Variants in CACNA1S observed in about 807,000 individuals in gnomAD.
CACNA1S encodes calcium voltage-gated channel subunit alpha1 S, also known as voltage-dependent L-type calcium channel subunit alpha-1S.
CACNA1S carries 126 observed loss-of-function variants against 207.4 expected under a neutral mutation model. The ratio of observed to expected loss-of-function variants is 0.61; its 90% CI spans 0.53 to 0.70. The LOEUF (loss-of-function observed/expected upper bound fraction) is 0.70. Ranked by LOEUF, CACNA1S falls within the 30% of genes least tolerant of loss-of-function variation. CACNA1S has a pLI of 0.00. For missense variants in CACNA1S, 2,349 were observed against 2,422.8 expected, an observed-to-expected ratio of 0.97 and a Z score of 0.64; for synonymous variants, 960 against 932.7, an observed-to-expected ratio of 1.03 and a Z score of -0.53.
At chr1:201,065,585 T>G (rs777686820) in intron 22 of CACNA1S, among the ~76,000 whole-genome samples, 22 of 152,244 alleles carry the variant, frequency 1.4e-4, no homozygotes, top group Non-Finnish European at 2.4e-4. Flanking sequence ...GCCCATTGAC[T>G]GTTTCTGAGA....
rs772074864 is a variant in CACNA1S at position 201,052,534 on chromosome 1, T to TGGGGGTGGC, written c.3953+14_3953+22dup. 8 of 1,536,630 alleles carry TGGGGGTGGC rather than the reference T, an allele frequency of 5.2e-6. No homozygotes were observed. The Admixed American group carries it at 1.4e-4, about 26-fold the overall frequency. On this transcript the variant is annotated intron_variant, in intron 32 of 43. Transcript: ENST00000362061. ...GCTGGACTGGTCAGCGGGGTAGGGG[T>TGGGGGTGGC]GGGGGTGGCGGGAGACGCGTGCCTG...
At chr1:201,089,798 C>G (rs578229400) in intron 5 of CACNA1S, among the ~76,000 whole-genome samples, 1 of 152,326 alleles carries the variant, frequency 6.6e-6, no homozygotes, top group Non-Finnish European at 1.5e-5. Context: ...AAGAAGGCAG[C>G]TGCCTGGCTG....
At chr1:201,061,234 CT>C in intron 25 of CACNA1S, 32 bp downstream of exon 25, 2 of 1,598,022 alleles carry the variant, frequency 1.3e-6, no homozygotes, top group Non-Finnish European at 1.7e-6. Context: ...TGCTGGAGCT[CT>C]GCCCTCCACC....
intron 3 of CACNA1S, 43 bp from the exon 4 acceptor site, chr1:201,092,157 A>T (rs774489611): frequency 1.9e-5 from 30 of 1,613,168 alleles, no homozygotes; most frequent in Non-Finnish European, 2.5e-5. Flanking sequence ...GGGGTTGGAA[A>T]AGCCACTGCC....
rs146230812 is a variant in CACNA1S, at chr1:201,069,532, C to G, written c.2430G>C (p.Leu810=). Residue 810 remains leucine (L), a synonymous_variant, in exon 18 of 44, where the codon CTG becomes CTC. Coordinates refer to ENST00000362061, the MANE Select transcript of CACNA1S (RefSeq NM_000069.3). The part of the protein sequence containing the change: ...WFTNFILLFI[L]LSSAALAAED... ...CCGCAGCCAGTGCAGCGCTGCTGAG[C>G]AGGATGAAGAGCAGGATGAAGTTGG... 8.7e-5 allele frequency: 139 copies of G among 1,588,606 alleles called. No individual in the cohort carries two copies. In the African/African-American group the frequency reaches 1.7e-3, roughly 20 times the overall value.
intron 13 of CACNA1S, among the ~76,000 whole-genome samples, chr1:201,074,996 C>G (rs952037520): frequency 6.6e-6 from 1 of 152,188 alleles, no homozygotes; most frequent in Admixed American, 6.5e-5. Flanking sequence ...GTGCAGGCAC[C>G]AGGACGGCTC....
intron 2 of CACNA1S, among the ~76,000 whole-genome samples, chr1:201,097,223 C>T (rs1459696371): frequency 3.9e-5 from 6 of 152,168 alleles, no homozygotes; most frequent in African/African-American, 4.8e-5. Context: ...TCTCCTCCCC[C>T]GAGCCCTTCT....
At chr1:201,070,477 C>T (rs1661409105) in intron 16 of CACNA1S, 73 bp from the exon 17 acceptor site, 1 of 1,601,052 alleles carries the variant, frequency 6.2e-7, no homozygotes, top group Admixed American at 1.7e-5. Flanking sequence ...GTGCTCAGAG[C>T]CCTCCTAGGA....
chr1:201,066,406 A>G lies in CACNA1S; in HGVS notation c.2658-90T>C. 9.1e-7 allele frequency: 1 copy of G among 1,099,336 alleles called. No individual in the cohort carries two copies. The highest frequency in any genetic ancestry group is 1.4e-6 in the Non-Finnish European group (1 of 724,104). 68.1% of individuals were successfully genotyped at this position (1,099,336 alleles called of 1,614,324 possible). On this transcript the variant is annotated intron_variant, in intron 20 of 43. Coordinates refer to ENST00000362061, the MANE Select transcript of CACNA1S (RefSeq NM_000069.3). The surrounding 1 kb of genome is among the most constrained non-coding windows in gnomAD (Gnocchi z 4.3). Reference sequence around the variant, plus strand: ...AGCCTCCAGCCATATCCTGCCCTCCACACCAGCTGCCTTTCTGCCTGAAAA... The same window carrying G: ...AGCCTCCAGCCATATCCTGCCCTCCGCACCAGCTGCCTTTCTGCCTGAAAA...
At chr1:201,077,814 G>T in intron 11 of CACNA1S, 65 bp downstream of exon 11, 1 of 1,121,440 alleles carries the variant, frequency 8.9e-7, no homozygotes, top group Non-Finnish European at 1.3e-6. Context: ...TGAGATGGGT[G>T]TAGACCAGAC....
intron 38 of CACNA1S, 31 bp downstream of exon 38, chr1:201,047,084 G>A (rs772841615): frequency 1.9e-6 from 3 of 1,614,016 alleles, no homozygotes; most frequent in Non-Finnish European, 2.5e-6. Flanking sequence ...CAGTGGGGGA[G>A]CCCCTTGGAA....
At chr1:201,105,482 G>A (rs1415253135) in intron 2 of CACNA1S, among the ~76,000 whole-genome samples, 1 of 152,174 alleles carries the variant, frequency 6.6e-6, no homozygotes, top group Non-Finnish European at 1.5e-5. Flanking sequence ...AGGTGAGTGG[G>A]CCTGGGCTCA....
intron 10 of CACNA1S, 55 bp from the exon 11 acceptor site, chr1:201,078,159 C>T: frequency 7.2e-7 from 1 of 1,397,048 alleles, no homozygotes; most frequent in Non-Finnish European, 1.0e-6. Context: ...CTCCTGACTC[C>T]CAGCCTTGGC....
chr1:201,057,590 G>C (rs1389055338), intron 28 of CACNA1S, among the ~76,000 whole-genome samples: 1 of 152,196 alleles, frequency 6.6e-6, no homozygotes, highest in Non-Finnish European at 1.5e-5. Context: ...AAATAAATGA[G>C]TGAGTCTTCT....
chr1:201,078,237 G>A (rs1661705438), intron 10 of CACNA1S, 133 bp from the exon 11 acceptor site: 2 of 764,458 alleles, frequency 2.6e-6, no homozygotes, highest in South Asian at 2.9e-5. Context: ...TTTTTTGGGG[G>A]TGCAGGGGGC....
At chr1:201,094,910 G>C (rs572810391) in intron 2 of CACNA1S, among the ~76,000 whole-genome samples, 1 of 152,026 alleles carries the variant, frequency 6.6e-6, no homozygotes, top group African/African-American at 2.4e-5. Context: ...CCTCTTCTGG[G>C]CCCAGGTGAG....
At chr1:201,095,497 GCTCA>G (rs1662391908) in intron 2 of CACNA1S, among the ~76,000 whole-genome samples, 1 of 152,134 alleles carries the variant, frequency 6.6e-6, no homozygotes, top group African/African-American at 2.4e-5. Context: ...TCCCCAAATG[GCTCA>G]CTATTGTGGA....
In CACNA1S at chr1:201,084,974, C is replaced by G. The variant is rs1292530906; in HGVS notation, c.1208G>C (p.Gly403Ala). The stretch of plus-strand genomic sequence containing the variant: ...CATGAACTGGATGATTTTGTTCAAG[C>G]CTGCAATTTCATACAGGCTCTCTGT... Reference protein sequence around the residue: ...SDTESLYEIAGLNKIIQFIRH... With the variant: ...SDTESLYEIAALNKIIQFIRH... Residue 403 changes from glycine (G) to alanine (A), a missense_variant, in exon 9 of 44, where the codon GGC (glycine) becomes GCC (alanine). Transcript: ENST00000362061. The G allele has an allele frequency of 2.5e-6, 4 of 1,612,918 alleles. No individual in the cohort carries two copies. Among genetic ancestry groups the G allele is most frequent in the Non-Finnish European group, 3.4e-6 (4 of 1,179,768 alleles).
chr1:201,084,811 C>G (rs1214148698), intron 9 of CACNA1S, 139 bp downstream of exon 9: 17 of 678,366 alleles, frequency 2.5e-5, no homozygotes, highest in Non-Finnish European at 4.2e-5. Flanking sequence ...GGAACTGGCC[C>G]TATTTTCTTA....
Sources: allele counts gnomAD v4.1 joint callset (sites outside exome capture counted in the v4.1 genomes callset), GRCh38; gene constraint gnomAD v4.1.1; non-coding constraint Gnocchi (gnomAD v3.1); transcripts MANE v1.5; gene names NCBI Gene and HGNC (gene_info 2026-07-23, HGNC 2026-07-21).